CNTNAP2: variants seen among roughly 807,000 people sequenced by gnomAD.
CNTNAP2 encodes the protein contactin-associated protein-like 2.
Under a neutral mutation model 155.2 loss-of-function variants are expected in CNTNAP2, and 98 were observed. The observed-to-expected ratio is 0.63, with a 90% CI of 0.54 to 0.75. The LOEUF is 0.75. Among genes scored for constraint, CNTNAP2 ranks in the 30% least tolerant of loss-of-function variants. CNTNAP2 has a pLI of 0.00. For missense variants in CNTNAP2, 1,727 were observed against 1,688.1 expected (o/e 1.02, Z -0.40); for synonymous variants, 651 against 631.2 (o/e 1.03, Z -0.47).
chr7:147,851,960 C>G (rs1041815845), intron 13 of CNTNAP2, among the ~76,000 whole-genome samples: 1 of 151,732 alleles, frequency 6.6e-6, no homozygotes, highest in Non-Finnish European at 1.5e-5. Context: ...TAAAAAAAAT[C>G]ACTGTATTCC....
chr7:147,119,909 G>A (rs1801068420), intron 5 of CNTNAP2, among the ~76,000 whole-genome samples: 1 of 152,086 alleles, frequency 6.6e-6, no homozygotes, highest in South Asian at 2.1e-4. Context: ...ACCATAAAAA[G>A]CAATTCTTGA....
At chr7:146,827,500 C>CT (rs768738396) in intron 2 of CNTNAP2, among the ~76,000 whole-genome samples, 1,751 of 141,790 alleles carry the variant, frequency 0.012, 28 homozygotes, top group African/African-American at 0.036. Context: ...AATGTTTTTA[C>CT]TTTTTTTTTT....
chr7:146,352,898 GCACCCGC>G (rs1467851368), intron 1 of CNTNAP2, among the ~76,000 whole-genome samples: 1 of 151,192 alleles, frequency 6.6e-6, no homozygotes, highest in Non-Finnish European at 1.5e-5. Flanking sequence ...AGGACTACAG[GCACCCGC>G]CACCACGCCC....
intron 14 of CNTNAP2, among the ~76,000 whole-genome samples, chr7:147,963,898 C>T (rs1296739901): frequency 6.6e-6 from 1 of 151,980 alleles, no homozygotes; most frequent in Non-Finnish European, 1.5e-5. Context: ...AATTTATTAC[C>T]ATTTTTCAGA....
intron 13 of CNTNAP2, among the ~76,000 whole-genome samples, chr7:147,864,398 C>A (rs1351434657): frequency 6.6e-6 from 1 of 152,034 alleles, no homozygotes; most frequent in Non-Finnish European, 1.5e-5. Flanking sequence ...TTAGGATTTT[C>A]TTGGCAATGA....
chr7:146,156,564 C>T (rs1305099980), intron 1 of CNTNAP2, among the ~76,000 whole-genome samples: 1 of 152,144 alleles, frequency 6.6e-6, no homozygotes, highest in Non-Finnish European at 1.5e-5. Context: ...TATTTATTCA[C>T]AAAGTTCTCC....
chr7:147,476,915 G>A (rs901026947), intron 10 of CNTNAP2, among the ~76,000 whole-genome samples: 8 of 132,096 alleles, frequency 6.1e-5, no homozygotes, highest in African/African-American at 1.2e-4. Flanking sequence ...GTGACAGAGC[G>A]AGACTCTGTC....
intron 1 of CNTNAP2, among the ~76,000 whole-genome samples, chr7:146,644,129 T>C (rs895272594): frequency 6.6e-6 from 1 of 152,210 alleles, no homozygotes; most frequent in African/African-American, 2.4e-5. Context: ...CGACTTCCTC[T>C]TTTCCTAATT....
chr7:146,153,444 ATAG>A (rs904754097), intron 1 of CNTNAP2, among the ~76,000 whole-genome samples: 1 of 152,186 alleles, frequency 6.6e-6, no homozygotes, highest in African/African-American at 2.4e-5. Context: ...TTATTTGGAA[ATAG>A]TAGTCAAACT....
At chr7:148,146,640 G>A (rs1011990004) in intron 16 of CNTNAP2, among the ~76,000 whole-genome samples, 1 of 152,194 alleles carries the variant, frequency 6.6e-6, no homozygotes, top group East Asian at 1.9e-4. Context: ...ACCAAGGTTT[G>A]CAACAGACGA....
At chr7:146,962,671 C>A (rs562626989) in intron 3 of CNTNAP2, among the ~76,000 whole-genome samples, 1 of 152,314 alleles carries the variant, frequency 6.6e-6, no homozygotes, top group South Asian at 2.1e-4. Flanking sequence ...CTTCCTCAGA[C>A]TCCTGAGTAG....
chr7:146,984,166 G>A (rs1798071676), intron 3 of CNTNAP2, among the ~76,000 whole-genome samples: 2 of 151,782 alleles, frequency 1.3e-5, no homozygotes. Flanking sequence ...TCGGGAGTTC[G>A]AGACCAGCCT....
At chr7:147,733,294 T>C (rs992399496) in intron 13 of CNTNAP2, among the ~76,000 whole-genome samples, 1 of 152,230 alleles carries the variant, frequency 6.6e-6, no homozygotes, top group African/African-American at 2.4e-5. Flanking sequence ...CCCCATTTCT[T>C]GTTTTTGTCA....
At chr7:146,186,544 T>C (rs955886515) in intron 1 of CNTNAP2, among the ~76,000 whole-genome samples, 3 of 152,220 alleles carry the variant, frequency 2.0e-5, no homozygotes, top group African/African-American at 7.2e-5. Flanking sequence ...TTTCATATCA[T>C]AATTAAAAAT....
At chr7:147,822,533 T>C (rs1798377927) in intron 13 of CNTNAP2, among the ~76,000 whole-genome samples, 2 of 152,180 alleles carry the variant, frequency 1.3e-5, no homozygotes, top group South Asian at 4.1e-4. Context: ...TTTGGAGTGT[T>C]GTCTATTTTG....
At chr7:147,324,292 T>G (rs1045125234) in intron 9 of CNTNAP2, among the ~76,000 whole-genome samples, 41 of 152,210 alleles carry the variant, frequency 2.7e-4, no homozygotes, top group African/African-American at 9.2e-4. Context: ...ATCTTTTCAA[T>G]GAATTCATAA....
chr7:147,113,856 C>T (rs1800933448), intron 5 of CNTNAP2, among the ~76,000 whole-genome samples: 2 of 152,108 alleles, frequency 1.3e-5, no homozygotes, highest in South Asian at 4.1e-4. Flanking sequence ...CTTCTACTAG[C>T]TTTGGGGTTT....
At chr7:147,314,739 T>C (rs919572209) in intron 9 of CNTNAP2, among the ~76,000 whole-genome samples, 7 of 151,172 alleles carry the variant, frequency 4.6e-5, no homozygotes, top group African/African-American at 1.7e-4. Context: ...TATGTATACA[T>C]GATTTTAGGT....
chr7:148,050,131 G>T (rs987673183), intron 15 of CNTNAP2, among the ~76,000 whole-genome samples: 10 of 152,166 alleles, frequency 6.6e-5, no homozygotes, highest in African/African-American at 2.4e-4. Context: ...CTGCACTCCA[G>T]CCTGGGTGAC....
Sources: allele counts gnomAD v4.1 joint callset (sites outside exome capture counted in the v4.1 genomes callset), GRCh38; gene constraint gnomAD v4.1.1; transcripts MANE v1.5; gene names NCBI Gene and HGNC (gene_info 2026-07-23, HGNC 2026-07-21).